The following PKP1 variants were observed in gnomAD, a reference collection of about 807,000 sequenced individuals.
The protein encoded by PKP1 is plakophilin 1.
A neutral mutation model predicts 76.4 loss-of-function variants in PKP1; 27 were observed. The ratio of observed to expected loss-of-function variants is 0.35; its 90% CI spans 0.26 to 0.49. PKP1 has a LOEUF of 0.49. Among genes scored for constraint, PKP1 ranks in the 20% least tolerant of loss-of-function variants. The pLI, the probability that PKP1 is intolerant of heterozygous loss-of-function variation, is 0.99. For missense variants in PKP1, 964 were observed against 955.2 expected (o/e 1.01, Z -0.12); for synonymous variants, 404 against 384.2 (o/e 1.05, Z -0.60).
At chr1:201,309,726 G>A (rs1015552283) in intron 2 of PKP1, among the ~76,000 whole-genome samples, 3 of 152,188 alleles carry the variant, frequency 2.0e-5, no homozygotes, top group Non-Finnish European at 4.4e-5. Context: ...GGCTGCAGCT[G>A]CTCTCTCGGG....
chr1:201,284,355 C>T (rs1168288421), intron 1 of PKP1, among the ~76,000 whole-genome samples: 1 of 152,232 alleles, frequency 6.6e-6, no homozygotes, highest in Non-Finnish European at 1.5e-5. Context: ...GTGGGCCACC[C>T]TTCACCCTTC....
chr1:201,285,364 G>A (rs561660125), intron 1 of PKP1, among the ~76,000 whole-genome samples: 13 of 151,794 alleles, frequency 8.6e-5, no homozygotes, highest in African/African-American at 1.5e-4. Flanking sequence ...GAAAATGGCC[G>A]GCAGAGGACT....
At chr1:201,292,042 C>T (rs1293325583) in intron 1 of PKP1, among the ~76,000 whole-genome samples, 1 of 152,200 alleles carries the variant, frequency 6.6e-6, no homozygotes, top group Non-Finnish European at 1.5e-5. Flanking sequence ...ATGGCAGAGT[C>T]CCAGGATGTT....
Position 201,325,765 on chromosome 1 carries a change from A to T in PKP1, c.2033A>T (p.Lys678Met), listed in dbSNP as rs146324118. ...INLCRSSASP[K>M]AAEAARLLLS... ...TCTCACCTGCCCAGTGCCTCACCCA[A>T]GGCCGCAGAAGCTGCCCGGCTTCTC... Residue 678 changes from lysine (K) to methionine (M), a missense_variant, in exon 12 of 14, where the codon AAG becomes ATG. Transcript: ENST00000367324. The T allele has an allele frequency of 1.4e-4, 218 of 1,613,796 alleles. No homozygotes were observed. The highest frequency in any genetic ancestry group is 2.7e-4 in the Admixed American group (16 of 60,002).
chr1:201,324,383 C>T, intron 9 of PKP1, 45 bp from the exon 10 acceptor site: 2 of 1,562,676 alleles, frequency 1.3e-6, no homozygotes, highest in Non-Finnish European at 1.7e-6. Flanking sequence ...GCCATGGTGC[C>T]TGGGAAGCCA....
intron 12 of PKP1, among the ~76,000 whole-genome samples, chr1:201,327,420 G>T (rs1047615186): frequency 6.6e-6 from 1 of 152,208 alleles, no homozygotes; most frequent in African/African-American, 2.4e-5. Flanking sequence ...TCACAGCAAA[G>T]GGTGGCCCTT....
rs376443293 is a variant in PKP1 at position 201,313,254 on chromosome 1, G to A, written c.395G>A (p.Arg132Gln). The change falls in exon 3 of 14, where the codon CGG (arginine) becomes CAG (glutamine). Residue 132 changes from arginine (R) to glutamine (Q), a missense_variant. Arg to Gln is a conservative substitution (Grantham distance 43). Coordinates refer to ENST00000367324, the MANE Select transcript of PKP1 (RefSeq NM_001005337.3). ...QMENWSRHYP[R>Q]GSCNTTGAGS... ...GAGAACTGGAGCCGGCACTACCCCC[G>A]GGGCAGCTGTAACACCACCGGCGCA... The A allele has an allele frequency of 2.9e-5, 46 of 1,604,546 alleles. No homozygotes were observed. Among genetic ancestry groups the A allele is most frequent in the Middle Eastern group, 1.6e-4 (1 of 6,070 alleles).
intron 3 of PKP1, among the ~76,000 whole-genome samples, chr1:201,315,177 C>T (rs1656687849): frequency 6.6e-6 from 1 of 152,214 alleles, no homozygotes; most frequent in African/African-American, 2.4e-5. Context: ...TTGTCCCAAC[C>T]AGAGGCCCTG....
intron 2 of PKP1, among the ~76,000 whole-genome samples, chr1:201,306,945 C>T (rs1656389327): frequency 6.6e-6 from 1 of 152,232 alleles, no homozygotes; most frequent in African/African-American, 2.4e-5. Flanking sequence ...GCTGGGATTA[C>T]AGGCATGAGC....
intron 2 of PKP1, among the ~76,000 whole-genome samples, chr1:201,294,884 G>C (rs1656028422): frequency 6.6e-6 from 1 of 152,218 alleles, no homozygotes; most frequent in South Asian, 2.1e-4. Flanking sequence ...ACACCAGCCA[G>C]TGCAGGAATT....
intron 2 of PKP1, among the ~76,000 whole-genome samples, chr1:201,312,819 C>G (rs1013709682): frequency 6.6e-6 from 1 of 152,166 alleles, no homozygotes; most frequent in Non-Finnish European, 1.5e-5. Context: ...AGGTATGTCA[C>G]GTATGTTGCA....
rs746280950 is a variant in PKP1 at position 201,319,857 on chromosome 1, A to G, written c.1233-410A>G. 6 of 1,614,104 alleles carry G rather than the reference A, an allele frequency of 3.7e-6. No homozygotes were observed. In the Admixed American group the frequency reaches 1.0e-4, roughly 27 times the overall value. On this transcript the variant is annotated intron_variant, in intron 6 of 13. Transcript: ENST00000367324. ...CGGGAGCTTCTGGCTCTTGTTCCGC[A>G]AAGGGCCACTAGTAGCAGGGTGTGA... is the stretch of plus-strand genomic sequence containing the variant.
chr1:201,296,792 C>G (rs954532216), intron 2 of PKP1, among the ~76,000 whole-genome samples: 2 of 152,204 alleles, frequency 1.3e-5, no homozygotes, highest in Admixed American at 6.5e-5. Flanking sequence ...CTGTCTTCAG[C>G]ATCATTTCAG....
At position 201,325,101 on chromosome 1, in the gene PKP1, C is replaced by G; in HGVS notation, c.1995C>G (p.Asn665Lys). The G allele has an allele frequency of 6.2e-7, 1 of 1,613,924 alleles. No homozygotes were observed. The highest frequency in any genetic ancestry group is 8.5e-7 in the Non-Finnish European group (1 of 1,180,026). Residue 665 changes from asparagine (N) to lysine (K), a missense_variant, in exon 11 of 14, where the codon AAC becomes AAG. Asn to Lys is a moderately conservative substitution (Grantham distance 94, BLOSUM62 0). Coordinates refer to ENST00000367324, the MANE Select transcript of PKP1 (RefSeq NM_001005337.3). ...AKQYFSSSML[N>K]NIINLCRSSA... Reference sequence around the variant, plus strand: ...AGTACTTCTCCAGCAGCATGCTCAACAACATCATCAACCTGTGCCGAAGCA... The same window carrying G: ...AGTACTTCTCCAGCAGCATGCTCAAGAACATCATCAACCTGTGCCGAAGCA...
Position 201,317,742 on chromosome 1 carries a change from G to A in PKP1, c.1017G>A (p.Arg339=). The A allele has an allele frequency of 1.2e-6, 2 of 1,613,852 alleles. 1 individual carries two copies. Among genetic ancestry groups the A allele is most frequent in the South Asian group, 2.2e-5 (2 of 91,048 alleles). Residue 339 remains arginine, a synonymous_variant, in exon 5 of 14, where the codon AGG becomes AGA. Coordinates refer to ENST00000367324, the MANE Select transcript of PKP1 (RefSeq NM_001005337.3). Reference sequence around the variant, plus strand: ...TCCGCGAGGCAGTCAGCCTCCTGAGGAGAACCGGGAACGCCGAGATCCAGA... The same window carrying A: ...TCCGCGAGGCAGTCAGCCTCCTGAGAAGAACCGGGAACGCCGAGATCCAGA... ...NGIREAVSLL[R]RTGNAEIQKQ...
At chr1:201,316,174 A>ATGGATGGACGGACGGAC (rs1168957134) in intron 3 of PKP1, 1 of 28,366 alleles carries the variant, frequency 3.5e-5, no homozygotes, top group Non-Finnish European at 9.2e-5. Context: ...ATGGATGGAT[A>ATGGATGGACGGACGGAC]GGATCATGGC....
chr1:201,324,899 C>G, intron 10 of PKP1, 42 bp from the exon 11 acceptor site: 1 of 1,582,544 alleles, frequency 6.3e-7, no homozygotes, highest in Non-Finnish European at 8.7e-7. Flanking sequence ...CCTTCCTTCC[C>G]CAGTCATCCT....
intron 1 of PKP1, among the ~76,000 whole-genome samples, chr1:201,292,960 A>G (rs961033387): frequency 6.6e-6 from 1 of 152,160 alleles, no homozygotes; most frequent in Non-Finnish European, 1.5e-5. Flanking sequence ...GGCAGGAGAG[A>G]TTGCCTTGTG....
chr1:201,288,228 C>G (rs1270017297), intron 1 of PKP1, among the ~76,000 whole-genome samples: 1 of 152,224 alleles, frequency 6.6e-6, no homozygotes, highest in Non-Finnish European at 1.5e-5. Flanking sequence ...TGGGAACACT[C>G]TTTGGAAATA....
Sources: allele counts gnomAD v4.1 joint callset (sites outside exome capture counted in the v4.1 genomes callset), GRCh38; gene constraint gnomAD v4.1.1; transcripts MANE v1.5; gene names NCBI Gene and HGNC (gene_info 2026-07-23, HGNC 2026-07-21).